Variants in ARGFX observed in about 807,000 individuals in gnomAD.
ARGFX encodes the protein arginine-fifty homeobox.
In ARGFX, 10 loss-of-function variants were observed where a neutral mutation model predicts 8.0. The ratio of observed to expected loss-of-function variants is 1.25; its 90% confidence interval spans 0.77 to 2.12. The LOEUF is 2.12. ARGFX is among the 30% of genes most tolerant of loss of function. The pLI, the probability that ARGFX is intolerant of heterozygous loss-of-function variation, is 0.00. For missense variants in ARGFX, 282 were observed against 324.3 expected, an observed-to-expected ratio of 0.87 and a Z score of 1.00; for synonymous variants, 116 against 117.8, an observed-to-expected ratio of 0.98 and a Z score of 0.10.
In ARGFX at chr3:121,584,904, C is replaced by G; in HGVS notation, c.221-13C>G. 1 of 1,605,928 alleles carries G rather than the reference C, an allele frequency of 6.2e-7. No individual in the cohort carries two copies. The highest frequency in any genetic ancestry group is 1.1e-5 in the South Asian group (1 of 89,480). On this transcript the variant is annotated splice_polypyrimidine_tract_variant and intron_variant, in intron 3 of 4. Transcript: ENST00000334384. ...GTAAATGTAACCACCCCTTCTTTAT[C>G]TCTGCCCTGAAGCAATACGGAGAAG...
rs2048802746 is a variant in ARGFX at position 121,585,013 on chromosome 3, A to T, written c.317A>T (p.Asn106Ile). The change falls in exon 4 of 5, where the codon AAT (asparagine) becomes ATT (isoleucine). Residue 106 changes from asparagine (N) to isoleucine (I), a missense_variant. Physicochemically the swap from Asn to Ile is moderately radical, Grantham distance 149 (BLOSUM62 -3). Transcript: ENST00000334384. ...AGCCAGACCATGTTCCCAGATAGAA[A>T]TCTTCAGGAGAAACTAGCTTTGAGA... is the stretch of plus-strand genomic sequence containing the variant. ...LFSQTMFPDR[N>I]LQEKLALRLD... 6.2e-7 allele frequency: 1 copy of T among 1,614,000 alleles called. No individual in the cohort carries two copies. The highest frequency in any genetic ancestry group is 8.5e-7 in the Non-Finnish European group (1 of 1,179,980).
rs539177879 is a variant in ARGFX at position 121,584,930 on chromosome 3, G to A, written c.234G>A (p.Arg78=). The A allele has an allele frequency of 3.1e-6, 5 of 1,612,896 alleles. No individual in the cohort carries two copies. Among genetic ancestry groups the A allele is most frequent in the Admixed American group, 3.3e-5 (2 of 59,982 alleles). The stretch of plus-strand genomic sequence containing the variant: ...TCTGCCCTGAAGCAATACGGAGAAG[G>A]CATAAAGAACGTACTTCTTTCACCC... The part of the protein sequence containing the change: ...RVAATTAIRR[R]HKERTSFTHQ... Residue 78 remains arginine, a synonymous_variant, in exon 4 of 5, where the codon AGG becomes AGA. Transcript: ENST00000334384.
Position 121,570,816 on chromosome 3 carries a change from A to G in ARGFX, c.103A>G (p.Ser35Gly), listed in dbSNP as rs745518334. ...VIPPQDPASPSFTLLSKLECS... is the reference protein window; with the variant it reads ...VIPPQDPASPGFTLLSKLECS... The stretch of plus-strand genomic sequence containing the variant: ...ACCACCACAGGATCCAGCTAGTCCC[A>G]GTGAGTATCATCCTTCTTTGTCCTC... The change falls in exon 2 of 5, where the codon AGT becomes GGT. Residue 35 changes from serine (S) to glycine (G), a missense_variant and splice_region_variant. Ser to Gly is a moderately conservative substitution (Grantham distance 56). Transcript: ENST00000334384. 2 of 1,590,422 alleles carry G rather than the reference A, an allele frequency of 1.3e-6. No homozygotes were observed. Among genetic ancestry groups the G allele is most frequent in the South Asian group, 1.1e-5 (1 of 87,172 alleles).
Position 121,570,787 on chromosome 3 carries a change from T to G in ARGFX, c.74T>G (p.Val25Gly), listed in dbSNP as rs529810537. 1 of 1,607,274 alleles carries G rather than the reference T, an allele frequency of 6.2e-7. No homozygotes were observed. Among genetic ancestry groups the G allele is most frequent in the South Asian group, 1.1e-5 (1 of 89,514 alleles). The change falls in exon 2 of 5, where the codon GTG (valine) becomes GGG (glycine). Residue 25 changes from valine (V) to glycine (G), a missense_variant. Physicochemically the swap from Val to Gly is moderately radical, Grantham distance 109. Coordinates refer to ENST00000334384, the MANE Select transcript of ARGFX (RefSeq NM_001012659.2). ...FINRNYSNMKVIPPQDPASPS... is the reference protein window; with the variant it reads ...FINRNYSNMKGIPPQDPASPS... ...AATAGGAATTATTCCAACATGAAGGTGATACCACCACAGGATCCAGCTAGT... is the reference window on the plus strand; with the variant it reads ...AATAGGAATTATTCCAACATGAAGGGGATACCACCACAGGATCCAGCTAGT...
Position 121,590,120 on chromosome 3 carries a change from TAGAA to T in ARGFX, c.*3526_*3529del, listed in dbSNP as rs2048836275. Among the ~76,000 whole-genome samples the T allele has an allele frequency of 6.6e-6, 1 of 152,168 alleles. No individual in the cohort carries two copies. The highest frequency in any genetic ancestry group is 1.5e-5 in the Non-Finnish European group (1 of 68,026). On this transcript the variant is annotated 3_prime_UTR_variant, in exon 5 of 5. Transcript: ENST00000334384. ...CCAAACTTATAGAAATAAAAATTATTAGAAAGAAATACTATGAACAATTGAATGC... is the reference window on the plus strand; with the variant it reads ...CCAAACTTATAGAAATAAAAATTATTAGAAATACTATGAACAATTGAATGC...
chr3:121,574,439 T>G (rs1560119464), intron 2 of ARGFX, among the ~76,000 whole-genome samples: 1 of 152,326 alleles, frequency 6.6e-6, no homozygotes, highest in East Asian at 1.9e-4. Flanking sequence ...TGTTTTCCTG[T>G]AACAAGATGC....
rs2048823225 is a variant in ARGFX, at chr3:121,588,095, T to C, written c.*1495T>C. Among the ~76,000 whole-genome samples the C allele has an allele frequency of 1.3e-5, 2 of 151,786 alleles. No individual in the cohort carries two copies. The highest frequency in any genetic ancestry group is 4.2e-4 in the South Asian group (2 of 4,800). ...AACTCACAAAATAAAGAGTCAAACT[T>C]TTAGAATGACAAGTTAGCATATTTT... On this transcript the variant is annotated 3_prime_UTR_variant, in exon 5 of 5. Coordinates refer to ENST00000334384, the MANE Select transcript of ARGFX (RefSeq NM_001012659.2).
At position 121,579,826 on chromosome 3, in the gene ARGFX, T is replaced by G. The variant is rs145895100; in HGVS notation, c.220+2926T>G. Among the ~76,000 whole-genome samples, 1,452 of 152,162 alleles carry G rather than the reference T, an allele frequency of 9.5e-3. 21 individuals carry two copies. Among genetic ancestry groups the G allele is most frequent in the African/African-American group, 0.033 (1,366 of 41,498 alleles). ...GCCTGGGCAACATAGCGAGACCTCG[T>G]GATCTGCCCGCCTTGGCATCCCAAA... On this transcript the variant is annotated intron_variant, in intron 3 of 4. Coordinates refer to ENST00000334384, the MANE Select transcript of ARGFX (RefSeq NM_001012659.2).
At chr3:121,571,478 T>C (rs2048707765) in intron 2 of ARGFX, among the ~76,000 whole-genome samples, 1 of 151,860 alleles carries the variant, frequency 6.6e-6, no homozygotes, top group Non-Finnish European at 1.5e-5. Context: ...GACTTGTCCA[T>C]TGAAAACTAT....
chr3:121,583,024 G>T (rs2108838464), intron 3 of ARGFX, among the ~76,000 whole-genome samples: 1 of 131,456 alleles, frequency 7.6e-6, no homozygotes, highest in East Asian at 2.6e-4. Flanking sequence ...ATAATTGCGG[G>T]ATTTTTTTTT....
chr3:121,579,958 T>C (rs1279704784), intron 3 of ARGFX, among the ~76,000 whole-genome samples: 1 of 138,556 alleles, frequency 7.2e-6, no homozygotes, highest in Non-Finnish European at 1.5e-5. Context: ...TTTTTTTTTT[T>C]TTTTTTTTTT....
intron 1 of ARGFX, among the ~76,000 whole-genome samples, chr3:121,569,926 G>C (rs1164951421): frequency 1.3e-5 from 2 of 152,210 alleles, no homozygotes; most frequent in Non-Finnish European, 2.9e-5. Flanking sequence ...GCTGAAGTGT[G>C]TGCAGCACCT....
intron 3 of ARGFX, among the ~76,000 whole-genome samples, chr3:121,579,226 C>T (rs2048762916): frequency 1.3e-5 from 2 of 152,140 alleles, no homozygotes; most frequent in African/African-American, 4.8e-5. Flanking sequence ...TTGACTTAAT[C>T]TTCCTTATCA....
At chr3:121,574,076 T>C (rs1046540169) in intron 2 of ARGFX, among the ~76,000 whole-genome samples, 1 of 152,054 alleles carries the variant, frequency 6.6e-6, no homozygotes. Flanking sequence ...AAAATGGCAC[T>C]GCCGCTGTGA....
intron 2 of ARGFX, among the ~76,000 whole-genome samples, chr3:121,575,048 A>C (rs2048728273): frequency 6.6e-6 from 1 of 152,192 alleles, no homozygotes; most frequent in Admixed American, 6.5e-5. Context: ...GGCCAGGTGC[A>C]GTAGCTCACG....
intron 2 of ARGFX, among the ~76,000 whole-genome samples, chr3:121,571,850 G>A (rs967733340): frequency 1.3e-5 from 2 of 149,366 alleles, no homozygotes; most frequent in African/African-American, 4.9e-5. Flanking sequence ...TTTTTGAGAT[G>A]GAGTTTCCGC....
chr3:121,573,038 TA>T (rs1246778616), intron 2 of ARGFX, among the ~76,000 whole-genome samples: 1 of 152,152 alleles, frequency 6.6e-6, no homozygotes, highest in African/African-American at 2.4e-5. Context: ...GCAAAGCTCA[TA>T]GAAAAAACAT....
chr3:121,578,569 C>A (rs879934179), intron 3 of ARGFX, among the ~76,000 whole-genome samples: 4 of 151,960 alleles, frequency 2.6e-5, no homozygotes, highest in Non-Finnish European at 5.9e-5. Flanking sequence ...CATAGCAAGA[C>A]CCCATCTGTA....
chr3:121,570,423 T>G (rs73857913), intron 1 of ARGFX, among the ~76,000 whole-genome samples: 13 of 152,360 alleles, frequency 8.5e-5, no homozygotes, highest in African/African-American at 2.9e-4. Context: ...TAGATTGCAC[T>G]TTAACAATCT....
Sources: allele counts gnomAD v4.1 joint callset (sites outside exome capture counted in the v4.1 genomes callset), GRCh38; gene constraint gnomAD v4.1.1; transcripts MANE v1.5; gene names NCBI Gene and HGNC (gene_info 2026-07-23, HGNC 2026-07-21).